TSC2: variants seen among roughly 807,000 people sequenced by gnomAD.
TSC2 encodes the protein TSC complex subunit 2, also known as tuberin.
TSC2 carries 29 observed loss-of-function variants against 202.2 expected under a neutral mutation model. The observed-to-expected ratio is 0.14, with a 90% CI of 0.11 to 0.20. The LOEUF (loss-of-function observed/expected upper bound fraction) is 0.20. Ranked by LOEUF, TSC2 falls within the 10% of genes least tolerant of loss-of-function variation. The pLI is 1.00. For synonymous variants in TSC2, 1,349 were observed against 1,044.0 expected (o/e 1.29, Z -5.63); for missense variants, 2,429 against 2,420.0 (o/e 1.00, Z -0.08).
At chr16:2,058,013 G>T (rs1251679658) in intron 9 of TSC2, among the ~76,000 whole-genome samples, 1 of 122,824 alleles carries the variant, frequency 8.1e-6, no homozygotes. Context: ...CTCGGCCCCT[G>T]CATCTCTCCC....
intron 15 of TSC2, chr16:2,065,092 C>T (rs373055318): frequency 4.3e-5 from 8 of 184,434 alleles, no homozygotes; most frequent in Non-Finnish European, 6.6e-5. Flanking sequence ...CCAGCCTGGA[C>T]GACAGAGCAA....
At chr16:2,074,982 G>A (rs1435859662) in intron 22 of TSC2, 2 of 162,574 alleles carry the variant, frequency 1.2e-5, no homozygotes, top group East Asian at 3.4e-4. Flanking sequence ...GTGGGAGGCC[G>A]AGGCGGGTGG....
intron 38 of TSC2, chr16:2,087,233 G>T: frequency 2.6e-6 from 1 of 385,308 alleles, no homozygotes; most frequent in Non-Finnish European, 5.0e-6. Context: ...CGCACCACTA[G>T]GCAGCAACCA....
At chr16:2,050,257 A>T (rs2084936579) in intron 2 of TSC2, 143 bp from the exon 3 acceptor site, 2 of 862,556 alleles carry the variant, frequency 2.3e-6, no homozygotes, top group African/African-American at 3.3e-5. Context: ...GCGGCTCGTC[A>T]AGTGAATCTT....
Position 2,048,439 on chromosome 16 carries a change from G to T in TSC2, c.-29-148G>T, listed in dbSNP as rs2084637872. ...TAGGTGCCTGTTTGCGAGCTGGTCA[G>T]CTGGGCTGTAGTTGAGTTCTCCCAG... On this transcript the variant is annotated intron_variant, in intron 1 of 41. Coordinates refer to ENST00000219476, the MANE Select transcript of TSC2 (RefSeq NM_000548.5). 3 of 1,062,614 alleles carry T rather than the reference G, an allele frequency of 2.8e-6. No homozygotes were observed. In the East Asian group the frequency reaches 7.8e-5, roughly 28 times the overall value. 65.8% of individuals were successfully genotyped at this position (1,062,614 alleles called of 1,614,324 possible). A position where few individuals can be genotyped will look rare whatever the true frequency, so the allele number is the denominator to read the frequency against.
In TSC2 at chr16:2,088,881, GC is replaced by G; in HGVS notation, c.*272del. 2.4e-6 allele frequency: 1 copy of G among 420,700 alleles called. No individual in the cohort carries two copies. Among genetic ancestry groups the G allele is most frequent in the Non-Finnish European group, 4.3e-6 (1 of 230,698 alleles). 26.1% of individuals were successfully genotyped at this position (420,700 alleles called of 1,614,324 possible). ...ACAGCACACTCGCGCGTGCGCGCGCGCACACACACACACACACAGTCACCTT... is the reference window on the plus strand; with the variant it reads ...ACAGCACACTCGCGCGTGCGCGCGCGACACACACACACACACAGTCACCTT... On this transcript the variant is annotated 3_prime_UTR_variant, in exon 42 of 42. Coordinates refer to ENST00000219476, the MANE Select transcript of TSC2 (RefSeq NM_000548.5).
In TSC2 at chr16:2,076,344, G is replaced by C. The variant is rs540653118; in HGVS notation, c.2743-147G>C. 1.9e-6 allele frequency: 3 copies of C among 1,562,348 alleles called. No homozygotes were observed. The South Asian group carries it at 3.4e-5, about 18-fold the overall frequency. On this transcript the variant is annotated intron_variant, in intron 24 of 41. Transcript: ENST00000219476. ...GGCAGCCTGCAGGGCTTTGATGCGC[G>C]GCAGGCATTGAGGGGTGGGAGCTGG... is the stretch of plus-strand genomic sequence containing the variant.
rs2151550637 is a variant in TSC2, at chr16:2,085,247, G to A, written c.4587G>A (p.Arg1529=). 6.2e-7 allele frequency: 1 copy of A among 1,612,760 alleles called. No individual in the cohort carries two copies. Among genetic ancestry groups the A allele is most frequent in the East Asian group, 2.2e-5 (1 of 44,880 alleles). ...TGCCACAGTCACAGTCCTTTGAGCG[G>A]TCGGTGCAGCTCCTCGACCAGATCC... is the stretch of plus-strand genomic sequence containing the variant. ...LLPNESQSFE[R]SVQLLDQIPS... Residue 1529 remains arginine (R), a synonymous_variant, in exon 36 of 42, where the codon CGG becomes CGA. Coordinates refer to ENST00000219476, the MANE Select transcript of TSC2 (RefSeq NM_000548.5).
At position 2,088,432 on chromosome 16, in the gene TSC2, G is replaced by A. The variant is rs745529697; in HGVS notation, c.5260-14G>A. The A allele has an allele frequency of 2.2e-5, 35 of 1,612,576 alleles. No individual in the cohort carries two copies. The highest frequency in any genetic ancestry group is 1.6e-4 in the Middle Eastern group (1 of 6,084). ...GCCTCCCAGACTTACTGCCCAAGCC[G>A]CCTCTGCCTTCAGATCTGCGAGGAA... On this transcript the variant is annotated splice_polypyrimidine_tract_variant and intron_variant, in intron 41 of 41. Transcript: ENST00000219476.
At position 2,088,645 on chromosome 16, in the gene TSC2, G is replaced by T. The variant is rs200025534; in HGVS notation, c.*35G>T. ...CCTCCCTCCTGCACTGGCCTTGGAC[G>T]GTATTGCCTGTCAGTGAAATAAATA... On this transcript the variant is annotated 3_prime_UTR_variant, in exon 42 of 42. Coordinates refer to ENST00000219476, the MANE Select transcript of TSC2 (RefSeq NM_000548.5). 2 of 1,583,956 alleles carry T rather than the reference G, an allele frequency of 1.3e-6. No individual in the cohort carries two copies. Among genetic ancestry groups the T allele is most frequent in the African/African-American group, 1.3e-5 (1 of 74,318 alleles).
At chr16:2,087,285 C>T in intron 38 of TSC2, 3 of 354,672 alleles carry the variant, frequency 8.5e-6, no homozygotes, top group Non-Finnish European at 1.6e-5. Context: ...CGGCCAGTGT[C>T]ACAGCACGGT....
chr16:2,054,393 C>G lies in TSC2; in HGVS notation c.434C>G (p.Ala145Gly), dbSNP rs1596265255. Reference sequence around the variant, plus strand: ...CACGAAAGGCTGGAGGTTTTCAAGGCCCTCACAGACAATGGGAGACACATC... The same window carrying G: ...CACGAAAGGCTGGAGGTTTTCAAGGGCCTCACAGACAATGGGAGACACATC... ...DLHERLEVFK[A>G]LTDNGRHITY... is the part of the protein sequence containing the mutation. Residue 145 changes from alanine to glycine, a missense_variant, in exon 5 of 42, where the codon GCC (alanine) becomes GGC (glycine). Ala to Gly is a moderately conservative substitution (Grantham distance 60). Transcript: ENST00000219476. The G allele has an allele frequency of 6.2e-7, 1 of 1,614,250 alleles. No individual in the cohort carries two copies. The highest frequency in any genetic ancestry group is 8.5e-7 in the Non-Finnish European group (1 of 1,180,044).
In TSC2 at chr16:2,061,179, C is replaced by T. The variant is rs544877853; in HGVS notation, c.1119+366C>T. 638 of 363,932 alleles carry T rather than the reference C, an allele frequency of 1.8e-3. 2 individuals carry two copies. The highest frequency in any genetic ancestry group is 6.1e-3 in the African/African-American group (292 of 47,574). The allele number at this position is 363,932 out of a possible 1,614,324, so 22.5% of individuals were successfully genotyped here. On this transcript the variant is annotated intron_variant, in intron 11 of 41. Transcript: ENST00000219476. ...CATGACTTTGGAGGACCGCATTAGT[C>T]GAGTCTGTTAACCACAGCTTTAAGG...
chr16:2,064,250 G>A, intron 14 of TSC2, 22 bp from the exon 15 acceptor site: 1 of 1,613,832 alleles, frequency 6.2e-7, no homozygotes, highest in Non-Finnish European at 8.5e-7. Flanking sequence ...GGCGCTCATT[G>A]GCCTCCCTTG....
At chr16:2,055,689 G>T (rs893530119) in intron 6 of TSC2, 170 bp downstream of exon 6, 1 of 664,458 alleles carries the variant, frequency 1.5e-6, no homozygotes, top group African/African-American at 1.8e-5. Context: ...TCAGGAGTTC[G>T]AGACCAGCCT....
chr16:2,085,967 T>C (rs891165487), intron 36 of TSC2, among the ~76,000 whole-genome samples: 2 of 151,812 alleles, frequency 1.3e-5, no homozygotes, highest in African/African-American at 2.4e-5. Flanking sequence ...GCTTTGAGTG[T>C]GGAGCTCCCT....
Position 2,048,051 on chromosome 16 carries a change from G to A in TSC2, c.-44G>A. ...CCGCGTCGGGGCGGCCCGGAGCGCG[G>A]TGGCGCGGCGCGGGGTAAGTGGCGG... On this transcript the variant is annotated 5_prime_UTR_variant, in exon 1 of 42. It adds an upstream start codon to the 5' untranslated region. Transcript: ENST00000219476. 4.2e-6 allele frequency: 6 copies of A among 1,424,518 alleles called. No individual in the cohort carries two copies. In the South Asian group the frequency reaches 4.5e-5, roughly 11 times the overall value. The allele number at this position is 1,424,518 out of a possible 1,614,324, so 88.2% of individuals were successfully genotyped here. A position where few individuals can be genotyped will look rare whatever the true frequency, so the allele number is the denominator to read the frequency against.
chr16:2,058,970 C>T (rs903547749), intron 10 of TSC2, 97 bp downstream of exon 10: 36 of 1,536,732 alleles, frequency 2.3e-5, no homozygotes, highest in African/African-American at 2.3e-4. Context: ...GCGGGGGCTG[C>T]GGTGGCATTT....
In TSC2 at chr16:2,048,014, G is replaced by T; in HGVS notation, c.-81G>T. 1 of 1,467,612 alleles carries T rather than the reference G, an allele frequency of 6.8e-7. No homozygotes were observed. Among genetic ancestry groups the T allele is most frequent in the Non-Finnish European group, 9.0e-7 (1 of 1,114,236 alleles). The allele number at this position is 1,467,612 out of a possible 1,614,324, so 90.9% of individuals were successfully genotyped here. On this transcript the variant is annotated 5_prime_UTR_variant, in exon 1 of 42. Coordinates refer to ENST00000219476, the MANE Select transcript of TSC2 (RefSeq NM_000548.5). Reference sequence around the variant, plus strand: ...CCGGCGGCGTCCCGGGGCCAGGGGGGTGCGCCTTTCTCCGCGTCGGGGCGG... The same window carrying T: ...CCGGCGGCGTCCCGGGGCCAGGGGGTTGCGCCTTTCTCCGCGTCGGGGCGG...
Sources: allele counts gnomAD v4.1 joint callset (sites outside exome capture counted in the v4.1 genomes callset), GRCh38; gene constraint gnomAD v4.1.1; transcripts MANE v1.5; gene names NCBI Gene and HGNC (gene_info 2026-07-23, HGNC 2026-07-21).